Variants in CDH11 observed in about 807,000 individuals in gnomAD.
CDH11 encodes the protein cadherin-11.
In CDH11, 11 loss-of-function variants were observed where a neutral mutation model predicts 67.8. The observed-to-expected ratio is 0.16, with a 90% CI of 0.10 to 0.27. The LOEUF (loss-of-function observed/expected upper bound fraction) is 0.27, where lower values mean the gene tolerates loss of function less well. CDH11 is among the 10% of genes least tolerant of loss of function. CDH11 has a pLI of 1.00. For missense variants in CDH11, 847 were observed against 1,031.2 expected (o/e 0.82, Z 2.45); for synonymous variants, 419 against 400.0 (o/e 1.05, Z -0.57).
upstream of CDH11, chr16:65,122,238 G>C: frequency 2.1e-6 from 1 of 473,094 alleles, no homozygotes. Context: ...CCTCGCAGAG[G>C]CTGCGGGGGC....
chr16:65,114,168 T>A (rs1029368518), intron 1 of CDH11, among the ~76,000 whole-genome samples: 2 of 152,184 alleles, frequency 1.3e-5, no homozygotes, highest in African/African-American at 4.8e-5. Flanking sequence ...TAGCAGGCTG[T>A]CATCAGGACA....
At chr16:65,013,201 C>A (rs2073218488) in intron 2 of CDH11, among the ~76,000 whole-genome samples, 1 of 152,122 alleles carries the variant, frequency 6.6e-6, no homozygotes, top group African/African-American at 2.4e-5. Flanking sequence ...CCCCAGTGAC[C>A]TACAGCATCA....
At chr16:65,023,608 AT>A (rs1203349986) in intron 2 of CDH11, among the ~76,000 whole-genome samples, 1 of 152,082 alleles carries the variant, frequency 6.6e-6, no homozygotes. Context: ...TGTGTATGTT[AT>A]TTCTTCATTT....
intron 3 of CDH11, among the ~76,000 whole-genome samples, chr16:65,004,214 A>G (rs1262917965): frequency 6.6e-6 from 1 of 152,126 alleles, no homozygotes; most frequent in Non-Finnish European, 1.5e-5. Context: ...AAAATGAAAT[A>G]AAATACAGAT....
chr16:64,970,072 G>T (rs1385337567), intron 11 of CDH11, among the ~76,000 whole-genome samples: 1 of 152,028 alleles, frequency 6.6e-6, no homozygotes, highest in African/African-American at 2.4e-5. Flanking sequence ...AATTGAAACA[G>T]GGGTTGTTTC....
intron 2 of CDH11, among the ~76,000 whole-genome samples, chr16:65,011,792 T>C (rs556422845): frequency 5.8e-4 from 88 of 152,236 alleles, no homozygotes; most frequent in Non-Finnish European, 1.1e-3. Flanking sequence ...GATTTTATTT[T>C]CATTTGTTCT....
At chr16:64,996,960 C>A (rs2072784617) in intron 4 of CDH11, among the ~76,000 whole-genome samples, 1 of 152,174 alleles carries the variant, frequency 6.6e-6, no homozygotes, top group South Asian at 2.1e-4. Flanking sequence ...ATTCATACCA[C>A]AAACCTCAGT....
intron 1 of CDH11, among the ~76,000 whole-genome samples, chr16:65,059,321 T>C (rs1241208482): frequency 6.6e-6 from 1 of 152,224 alleles, no homozygotes; most frequent in Non-Finnish European, 1.5e-5. Flanking sequence ...AAAGAGTTTC[T>C]GAGCCCCAAA....
intron 1 of CDH11, among the ~76,000 whole-genome samples, chr16:65,057,959 C>T (rs1294738758): frequency 6.6e-6 from 1 of 152,134 alleles, no homozygotes; most frequent in African/African-American, 2.4e-5. Flanking sequence ...GGAAGGCCAG[C>T]TGCAGTGGCT....
intron 1 of CDH11, among the ~76,000 whole-genome samples, chr16:65,109,149 A>T (rs1309712873): frequency 6.6e-6 from 1 of 152,046 alleles, no homozygotes; most frequent in African/African-American, 2.4e-5. Flanking sequence ...TCTGTTTCGA[A>T]AAAAAAAGAA....
chr16:65,043,337 T>C (rs1404002649), intron 2 of CDH11, among the ~76,000 whole-genome samples: 1 of 152,142 alleles, frequency 6.6e-6, no homozygotes, highest in Non-Finnish European at 1.5e-5. Flanking sequence ...AGATGGAGTT[T>C]AGCATGGGGA....
intron 1 of CDH11, among the ~76,000 whole-genome samples, chr16:65,054,740 A>G (rs2074115595): frequency 1.3e-5 from 2 of 152,306 alleles, no homozygotes; most frequent in Middle Eastern, 3.4e-3. Context: ...CCATAACACA[A>G]CAGCATAAAG....
chr16:65,008,652 T>C (rs1160345037), intron 2 of CDH11, among the ~76,000 whole-genome samples: 1 of 152,170 alleles, frequency 6.6e-6, no homozygotes, highest in Non-Finnish European at 1.5e-5. Context: ...TTCTAGTAAA[T>C]ACCAGACCTG....
intron 11 of CDH11, among the ~76,000 whole-genome samples, chr16:64,951,866 A>G (rs539356709): frequency 3.1e-4 from 47 of 152,040 alleles, no homozygotes; most frequent in Non-Finnish European, 6.0e-4. Flanking sequence ...CCCCAACACC[A>G]TCAGCCACCC....
Position 64,946,486 on chromosome 16 carries a change from A to G in CDH11, c.*1117T>C, listed in dbSNP as rs1596997134. ...ATGCATACTATATAACACATATTGC[A>G]AAGTCATAGACTGACCTAGTTCTTT... On this transcript the variant is annotated 3_prime_UTR_variant, in exon 13 of 13. Coordinates refer to ENST00000268603, the MANE Select transcript of CDH11 (RefSeq NM_001797.4). 8 of 1,030,668 alleles carry G rather than the reference A, an allele frequency of 7.8e-6. No individual in the cohort carries two copies. In the East Asian group the frequency reaches 4.3e-4, roughly 55 times the overall value. 63.8% of individuals were successfully genotyped at this position (1,030,668 alleles called of 1,614,324 possible).
chr16:64,965,929 T>C (rs2071812232), intron 11 of CDH11, among the ~76,000 whole-genome samples: 2 of 152,050 alleles, frequency 1.3e-5, no homozygotes, highest in South Asian at 4.1e-4. Flanking sequence ...AGTGGTATAG[T>C]GTTATTTGAT....
Position 64,971,680 on chromosome 16 carries a change from C to A in CDH11, c.1541G>T (p.Ser514Ile), listed in dbSNP as rs200031328. ...PLSNQPIVTISADDKDDTANG... is the reference protein window; with the variant it reads ...PLSNQPIVTIIADDKDDTANG... The stretch of plus-strand genomic sequence containing the variant: ...GGCCGTGTCATCCTTGTCATCTGCA[C>A]TAATTGTAACAATTGGCTGAAAGAG... The change falls in exon 11 of 13, where the codon AGT becomes ATT. Residue 514 changes from serine to isoleucine, a missense_variant. Ser to Ile is a moderately radical substitution (Grantham distance 142). This residue lies in a region of CDH11 where 612 missense variants were observed against 678.7 expected (regional missense o/e 0.90). Transcript: ENST00000268603. 1 of 1,610,470 alleles carries A rather than the reference C, an allele frequency of 6.2e-7. No homozygotes were observed. The highest frequency in any genetic ancestry group is 1.3e-5 in the African/African-American group (1 of 74,940).
At chr16:64,948,873 T>A in intron 12 of CDH11, 1 of 933,488 alleles carries the variant, frequency 1.1e-6, no homozygotes, top group Admixed American at 2.8e-5. Context: ...CCAAGAGGCT[T>A]CTACAATATT....
intron 2 of CDH11, among the ~76,000 whole-genome samples, chr16:65,020,358 C>T (rs1450477077): frequency 6.6e-6 from 1 of 152,182 alleles, no homozygotes; most frequent in Non-Finnish European, 1.5e-5. Flanking sequence ...TAAACATAGT[C>T]TCACTCTGTT....
Sources: gnomAD v4.1 joint callset for allele counts (sites outside exome capture counted in the v4.1 genomes callset) on GRCh38, gnomAD v4.1.1 for gene constraint, gnomAD v4.1.1 regional missense constraint, MANE v1.5 for transcripts, NCBI Gene and HGNC (gene_info 2026-07-23, HGNC 2026-07-21) for gene names.